DIP2C: variants seen among roughly 807,000 people sequenced by gnomAD.
The protein encoded by DIP2C is DIP2 acetate--CoA ligase C (putative), also known as disco-interacting protein 2 homolog C.
In DIP2C, 33 loss-of-function variants were observed where a neutral mutation model predicts 192.4. That is an observed-to-expected ratio of 0.17 (90% CI 0.13 to 0.23). The LOEUF (loss-of-function observed/expected upper bound fraction) is 0.23, where lower values mean the gene tolerates loss of function less well. Ranked by LOEUF, DIP2C falls within the 10% of genes least tolerant of loss-of-function variation. The pLI is 1.00. For synonymous variants in DIP2C, 979 were observed against 864.1 expected (o/e 1.13, Z -2.33); for missense variants, 1,537 against 2,110.1 (o/e 0.73, Z 5.32).
intron 2 of DIP2C, among the ~76,000 whole-genome samples, chr10:478,485 C>T (rs1406629584): frequency 4.0e-5 from 6 of 150,478 alleles, no homozygotes; most frequent in Admixed American, 2.6e-4. Context: ...GCCGGGGGTG[C>T]AGATGCACCC....
At chr10:352,797 G>A (rs558882204) in intron 24 of DIP2C, among the ~76,000 whole-genome samples, 1 of 152,290 alleles carries the variant, frequency 6.6e-6, no homozygotes, top group East Asian at 1.9e-4. Flanking sequence ...CCCACCCCGT[G>A]TGGTTGAACG....
chr10:546,312 AAAT>A (rs1848285751), intron 1 of DIP2C, among the ~76,000 whole-genome samples: 1 of 152,000 alleles, frequency 6.6e-6, no homozygotes, highest in African/African-American at 2.4e-5. Context: ...ATTTATTTTA[AAAT>A]AATAAAGTCA....
At chr10:340,843 C>T in intron 29 of DIP2C, 1 of 463,598 alleles carries the variant, frequency 2.2e-6, no homozygotes, top group South Asian at 1.5e-5. Flanking sequence ...GAGGTGACAG[C>T]CTGCAATGCC....
At chr10:648,081 G>A (rs1478300115) in intron 1 of DIP2C, among the ~76,000 whole-genome samples, 1 of 151,670 alleles carries the variant, frequency 6.6e-6, no homozygotes, top group Admixed American at 6.6e-5. Flanking sequence ...TGGACGGTGG[G>A]CGAGAACAGA....
chr10:456,857 T>A (rs543167899), intron 3 of DIP2C, among the ~76,000 whole-genome samples: 20 of 152,284 alleles, frequency 1.3e-4, no homozygotes, highest in Non-Finnish European at 2.8e-4. Flanking sequence ...CAAGACAGAG[T>A]GAAGGCAAGA....
chr10:625,133 C>T (rs921298227), intron 1 of DIP2C, among the ~76,000 whole-genome samples: 13 of 152,304 alleles, frequency 8.5e-5, no homozygotes, highest in Admixed American at 6.5e-4. Context: ...GAATTACAGC[C>T]GTGTCCTCAG....
Position 467,430 on chromosome 10 carries a change from T to C in DIP2C, c.268+5009A>G, listed in dbSNP as rs190506030. ...TAGCATTGGGAGATATACCTAATGCTAGATGACGAGTTAGTGGGTGCAGCG... is the reference window on the plus strand; with the variant it reads ...TAGCATTGGGAGATATACCTAATGCCAGATGACGAGTTAGTGGGTGCAGCG... On this transcript the variant is annotated intron_variant, in intron 3 of 36. Coordinates refer to ENST00000280886, the MANE Select transcript of DIP2C (RefSeq NM_014974.3). Among the ~76,000 whole-genome samples the C allele has an allele frequency of 3.3e-5, 5 of 149,836 alleles. No individual in the cohort carries two copies. In the East Asian group the frequency reaches 1.0e-3, roughly 30 times the overall value.
intron 17 of DIP2C, among the ~76,000 whole-genome samples, chr10:371,669 C>G (rs201892072): frequency 2.4e-3 from 244 of 102,682 alleles, no homozygotes; most frequent in African/African-American, 0.01. Flanking sequence ...GAGGCCTGGG[C>G]TGAGCTGAGC....
intron 1 of DIP2C, among the ~76,000 whole-genome samples, chr10:675,811 C>T (rs1176835486): frequency 6.6e-6 from 1 of 152,150 alleles, no homozygotes; most frequent in Non-Finnish European, 1.5e-5. Flanking sequence ...AACCTCAGGA[C>T]TAGGTGGCTT....
intron 2 of DIP2C, among the ~76,000 whole-genome samples, chr10:477,265 G>A (rs1456432837): frequency 1.1e-5 from 1 of 90,742 alleles, no homozygotes; most frequent in African/African-American, 5.1e-5. Flanking sequence ...TGGATAGGAG[G>A]TAGAGAAGGA....
chr10:467,576 A>AAG (rs1199271759), intron 3 of DIP2C, among the ~76,000 whole-genome samples: 4 of 151,568 alleles, frequency 2.6e-5, no homozygotes, highest in Admixed American at 2.0e-4. Flanking sequence ...AAAAAAAAAA[A>AAG]AAAAAGAAAA....
intron 3 of DIP2C, among the ~76,000 whole-genome samples, chr10:453,925 T>TA (rs1369860675): frequency 1.3e-5 from 2 of 152,222 alleles, no homozygotes; most frequent in Admixed American, 6.5e-5. Context: ...CAGGACCTGC[T>TA]AGAGCCTCTG....
chr10:481,573 C>T (rs1186377800), intron 2 of DIP2C, among the ~76,000 whole-genome samples: 1 of 152,210 alleles, frequency 6.6e-6, no homozygotes, highest in Non-Finnish European at 1.5e-5. Flanking sequence ...TACATGTTAC[C>T]CTCTGTCATT....
intron 1 of DIP2C, among the ~76,000 whole-genome samples, chr10:569,812 A>C (rs778096685): frequency 6.6e-6 from 1 of 152,154 alleles, no homozygotes; most frequent in Non-Finnish European, 1.5e-5. Context: ...AGGACATGGC[A>C]ACCATGACCT....
chr10:566,711 G>A (rs993815174), intron 1 of DIP2C, among the ~76,000 whole-genome samples: 55 of 152,196 alleles, frequency 3.6e-4, no homozygotes, highest in African/African-American at 1.2e-3. Context: ...AGACAACAAC[G>A]GTGCCTCTGA....
intron 11 of DIP2C, among the ~76,000 whole-genome samples, 165 bp from the exon 12 acceptor site, chr10:390,538 G>A (rs1381297831): frequency 6.6e-6 from 1 of 151,038 alleles, no homozygotes; most frequent in Non-Finnish European, 1.5e-5. Context: ...CACCCAAGCC[G>A]CCACCATGCG....
At chr10:368,272 G>A (rs535430247) in intron 18 of DIP2C, among the ~76,000 whole-genome samples, 1 of 152,254 alleles carries the variant, frequency 6.6e-6, no homozygotes. Flanking sequence ...ACAGGGGCCT[G>A]GGAAGCCCGC....
rs1056548003 is a variant in DIP2C at position 582,060 on chromosome 10, T to C, written c.86-95530A>G. On this transcript the variant is annotated intron_variant, in intron 1 of 36. Transcript: ENST00000280886. The stretch of plus-strand genomic sequence containing the variant: ...ACGTCTATGAGAACACAGTTTACAA[T>C]AGGATTCCAGTGTCTATGAGAATCT... Among the ~76,000 whole-genome samples, 4 of 151,674 alleles carry C rather than the reference T, an allele frequency of 2.6e-5. No individual in the cohort carries two copies. In the East Asian group the frequency reaches 7.8e-4, roughly 30 times the overall value.
rs1217573926 is a variant in DIP2C, at chr10:548,215, C to CT, written c.86-61686_86-61685insA. Among the ~76,000 whole-genome samples the CT allele has an allele frequency of 4.3e-4, 54 of 126,418 alleles. 1 individual carries two copies. The East Asian group carries it at 0.012, about 28-fold the overall frequency. 82.9% of individuals were successfully genotyped at this position (126,418 alleles called of 152,430 possible). ...TTCACACGAGTCTGCCCCACCCCCC[C>CT]CCCCACAGGAAAGCCCTGGTGGTCA... On this transcript the variant is annotated intron_variant, in intron 1 of 36. Transcript: ENST00000280886.
Sources: gnomAD v4.1 joint callset for allele counts (sites outside exome capture counted in the v4.1 genomes callset) on GRCh38, gnomAD v4.1.1 for gene constraint, MANE v1.5 for transcripts, NCBI Gene and HGNC (gene_info 2026-07-23, HGNC 2026-07-21) for gene names.